Variants in RIMBP2 observed in about 807,000 individuals in gnomAD.
RIMBP2 encodes RIMS-binding protein 2.
In RIMBP2, 48 loss-of-function variants were observed where a neutral mutation model predicts 118.6. The ratio of observed to expected loss-of-function variants is 0.40; its 90% CI spans 0.32 to 0.51. The LOEUF (loss-of-function observed/expected upper bound fraction) is 0.51, where lower values mean the gene tolerates loss of function less well. Ranked by LOEUF, RIMBP2 falls within the 20% of genes least tolerant of loss-of-function variation. The probability of loss-of-function intolerance (pLI) is 0.41; values close to 1 mark genes in which losing one functional copy is unlikely to be tolerated. For synonymous variants in RIMBP2, 762 were observed against 742.9 expected (o/e 1.03, Z -0.42); for missense variants, 1,551 against 1,768.3 (o/e 0.88, Z 2.20).
intron 4 of RIMBP2, among the ~76,000 whole-genome samples, chr12:130,481,044 C>T (rs759774983): frequency 6.6e-6 from 1 of 150,796 alleles, no homozygotes; most frequent in Non-Finnish European, 1.5e-5. Flanking sequence ...GAAAGAGGAG[C>T]CTGGCAGGGG....
At chr12:130,517,372 T>C (rs906871961) in intron 3 of RIMBP2, among the ~76,000 whole-genome samples, 1 of 152,106 alleles carries the variant, frequency 6.6e-6, no homozygotes, top group Non-Finnish European at 1.5e-5. Context: ...GCTTAAGAAA[T>C]AGATTCCTTT....
At position 130,450,811 on chromosome 12, in the gene RIMBP2, A is replaced by G. The variant is rs1237156574; in HGVS notation, c.504+384T>C. 6.6e-6 allele frequency among the ~76,000 whole-genome samples: 1 copy of G among 151,748 alleles called. No individual in the cohort carries two copies. Among genetic ancestry groups the G allele is most frequent in the African/African-American group, 2.4e-5 (1 of 41,280 alleles). Reference sequence around the variant, plus strand: ...CTGCCCCCGCCCCCTCTCCAGCCACACCAGCCCCTTCCCATCAATGCCACA... The same window carrying G: ...CTGCCCCCGCCCCCTCTCCAGCCACGCCAGCCCCTTCCCATCAATGCCACA... On this transcript the variant is annotated intron_variant, in intron 8 of 22. Coordinates refer to ENST00000690449, the MANE Select transcript of RIMBP2 (RefSeq NM_001393629.1). This position sits in a 1 kb window ranked among gnomAD's most constrained non-coding sequence, Gnocchi z 4.8.
intron 1 of RIMBP2, among the ~76,000 whole-genome samples, chr12:130,713,535 G>C (rs1008208871): frequency 6.6e-6 from 1 of 152,266 alleles, no homozygotes; most frequent in Admixed American, 6.5e-5. Flanking sequence ...ATCTACACGG[G>C]ATGAGGTAAG....
intron 4 of RIMBP2, among the ~76,000 whole-genome samples, chr12:130,491,364 C>T (rs1158072902): frequency 6.6e-6 from 1 of 152,248 alleles, no homozygotes; most frequent in Non-Finnish European, 1.5e-5. Context: ...ACTGTCTCTG[C>T]TCTCTGCTGT....
At chr12:130,403,145 A>G (rs1231345814) in intron 21 of RIMBP2, among the ~76,000 whole-genome samples, 1 of 152,212 alleles carries the variant, frequency 6.6e-6, no homozygotes, top group Non-Finnish European at 1.5e-5. Flanking sequence ...GTTTAAGGTT[A>G]CAGATATCAA....
At chr12:130,474,130 C>T (rs1258871378) in intron 5 of RIMBP2, among the ~76,000 whole-genome samples, 1 of 152,176 alleles carries the variant, frequency 6.6e-6, no homozygotes, top group African/African-American at 2.4e-5. Context: ...CCAGGCTGAC[C>T]ATTCACCTGG....
rs569874854 is a variant in RIMBP2 at position 130,641,012 on chromosome 12, G to A, written c.-351-12556C>T. Reference sequence around the variant, plus strand: ...CCTATTAAAGCTAACTAATGTCGGCGTCACAGCCGTCCTGGCACTCAGCGC... The same window carrying A: ...CCTATTAAAGCTAACTAATGTCGGCATCACAGCCGTCCTGGCACTCAGCGC... On this transcript the variant is annotated intron_variant, in intron 1 of 22. Transcript: ENST00000690449. 1.1e-3 allele frequency among the ~76,000 whole-genome samples: 168 copies of A among 152,320 alleles called. 2 individuals are homozygous for A. The highest frequency in any genetic ancestry group is 3.8e-3 in the African/African-American group (157 of 41,572).
rs1336875443 is a variant in RIMBP2 at position 130,421,689 on chromosome 12, A to ATGTGTGTGTGTGTGTG, written c.3238+763_3238+764insCACACACACACACACA. 2.8e-3 allele frequency among the ~76,000 whole-genome samples: 297 copies of ATGTGTGTGTGTGTGTG among 106,984 alleles called. 2 individuals are homozygous for ATGTGTGTGTGTGTGTG. Among genetic ancestry groups the ATGTGTGTGTGTGTGTG allele is most frequent in the Non-Finnish European group, 3.8e-3 (219 of 57,914 alleles). 70.2% of individuals were successfully genotyped at this position (106,984 alleles called of 152,430 possible). A position where few individuals can be genotyped will look rare whatever the true frequency, so the allele number is the denominator to read the frequency against. The stretch of plus-strand genomic sequence containing the variant: ...TGTATCAAGAGTTCTCCCTGCATTT[A>ATGTGTGTGTGTGTGTG]TATGTGTGTGTGTGTGTGTGTGTGT... On this transcript the variant is annotated intron_variant, in intron 17 of 22. Coordinates refer to ENST00000690449, the MANE Select transcript of RIMBP2 (RefSeq NM_001393629.1).
At chr12:130,630,991 AG>A (rs36113292) in intron 1 of RIMBP2, among the ~76,000 whole-genome samples, 7 of 152,202 alleles carry the variant, frequency 4.6e-5, no homozygotes, top group Non-Finnish European at 7.3e-5. Context: ...CACGGGATCC[AG>A]GAAACAACAA....
chr12:130,533,834 A>T (rs1434542407), intron 2 of RIMBP2, among the ~76,000 whole-genome samples: 1 of 152,170 alleles, frequency 6.6e-6, no homozygotes, highest in Non-Finnish European at 1.5e-5. Flanking sequence ...TCTCAGTCAC[A>T]AGTAGGAGCT....
chr12:130,491,724 G>A (rs977489413), intron 4 of RIMBP2, among the ~76,000 whole-genome samples: 1 of 152,198 alleles, frequency 6.6e-6, no homozygotes, highest in Non-Finnish European at 1.5e-5. Flanking sequence ...CCGGGCTTCC[G>A]CCTCCCCGCG....
intron 3 of RIMBP2, among the ~76,000 whole-genome samples, chr12:130,512,373 A>T (rs1343666153): frequency 6.6e-6 from 1 of 151,890 alleles, no homozygotes; most frequent in Non-Finnish European, 1.5e-5. Flanking sequence ...CCCAGGCTGG[A>T]GTGCAGTGGC....
chr12:130,681,505 C>T (rs2064782949), intron 1 of RIMBP2, among the ~76,000 whole-genome samples: 2 of 151,060 alleles, frequency 1.3e-5, no homozygotes, highest in African/African-American at 2.4e-5. Flanking sequence ...CCCCTATTCC[C>T]TAGTAACCTC....
intron 2 of RIMBP2, among the ~76,000 whole-genome samples, chr12:130,609,282 G>A (rs1044504034): frequency 6.6e-6 from 1 of 152,106 alleles, no homozygotes; most frequent in Non-Finnish European, 1.5e-5. Context: ...TAGCCAAGGT[G>A]TGGAATCAAC....
intron 1 of RIMBP2, among the ~76,000 whole-genome samples, chr12:130,647,500 C>T (rs7972455): frequency 0.047 from 6,868 of 145,516 alleles, 857 homozygotes; most frequent in African/African-American, 0.16. Flanking sequence ...GAAACCCAGA[C>T]CCCCACCAAA....
intron 2 of RIMBP2, among the ~76,000 whole-genome samples, chr12:130,610,039 C>T (rs1292871504): frequency 6.6e-6 from 1 of 152,226 alleles, no homozygotes; most frequent in Non-Finnish European, 1.5e-5. Context: ...TAGTGTGTGG[C>T]CAGTTCTCTG....
At chr12:130,509,300 C>T (rs1229307635) in intron 3 of RIMBP2, among the ~76,000 whole-genome samples, 1 of 152,190 alleles carries the variant, frequency 6.6e-6, no homozygotes, top group Non-Finnish European at 1.5e-5. Context: ...CACCAGGTCC[C>T]CATAAAAACT....
At chr12:130,452,929 C>A (rs1256576411) in intron 7 of RIMBP2, among the ~76,000 whole-genome samples, 1 of 152,224 alleles carries the variant, frequency 6.6e-6, no homozygotes, top group Non-Finnish European at 1.5e-5. Context: ...CAGCTTTTAC[C>A]TGCCATTGTG....
At chr12:130,411,357 A>G (rs1357357342) in intron 19 of RIMBP2, among the ~76,000 whole-genome samples, 3 of 152,074 alleles carry the variant, frequency 2.0e-5, no homozygotes, top group Non-Finnish European at 2.9e-5. Context: ...TCCCCTCACC[A>G]TGTCGCCCTG....
Sources: gnomAD v4.1 joint callset for allele counts (sites outside exome capture counted in the v4.1 genomes callset) on GRCh38, gnomAD v4.1.1 for gene constraint, Gnocchi (gnomAD v3.1) non-coding constraint, MANE v1.5 for transcripts, NCBI Gene and HGNC (gene_info 2026-07-23, HGNC 2026-07-21) for gene names.